The following IFT122 variants were observed in gnomAD, a reference collection of about 807,000 sequenced individuals.
IFT122 encodes intraflagellar transport protein 122 homolog.
A neutral mutation model predicts 161.6 loss-of-function variants in IFT122; 118 were observed. The observed-to-expected ratio is 0.73, with a 90% CI of 0.63 to 0.85. The LOEUF (loss-of-function observed/expected upper bound fraction) is 0.85. Ranked by LOEUF, IFT122 falls within the 40% of genes least tolerant of loss-of-function variation. The pLI, the probability that IFT122 is intolerant of heterozygous loss-of-function variation, is 0.00. For synonymous variants in IFT122, 550 were observed against 602.4 expected (o/e 0.91, Z 1.27); for missense variants, 1,381 against 1,579.6 (o/e 0.87, Z 2.13).
At chr3:129,487,483 C>T (rs1473776249) in intron 15 of IFT122, 1 of 153,908 alleles carries the variant, frequency 6.5e-6, no homozygotes, top group Admixed American at 6.4e-5. Flanking sequence ...CTTTTATAAA[C>T]CTAAGAAAGA....
rs1174611055 is a variant in IFT122, at chr3:129,476,686, C to T, written c.1032C>T (p.Thr344=). 1.9e-6 allele frequency: 3 copies of T among 1,614,220 alleles called. No homozygotes were observed. The South Asian group carries it at 3.3e-5, about 18-fold the overall frequency. ...AGGTGGTCGGCTGCCAGGACGGCAC[C>T]ATTTCCTTCTACCAGCTTATTTTCA... The part of the protein sequence containing the change: ...NYVVVGCQDG[T]ISFYQLIFST... The change falls in exon 11 of 30, where the codon ACC becomes ACT. Residue 344 remains threonine, a synonymous_variant. Coordinates refer to ENST00000348417, the MANE Select transcript of IFT122 (RefSeq NM_052989.3).
At chr3:129,516,711 CACACACACACACACAG>C (rs1387449891) in intron 26 of IFT122, among the ~76,000 whole-genome samples, 9 of 125,612 alleles carry the variant, frequency 7.2e-5, no homozygotes, top group African/African-American at 1.3e-4. Flanking sequence ...CACACACACA[CACACACACACACACAG>C]AGAGACTGCC....
intron 25 of IFT122, chr3:129,514,819 C>G (rs538321164): frequency 3.2e-5 from 18 of 567,688 alleles, no homozygotes; most frequent in South Asian, 3.1e-4. Flanking sequence ...CTTGCCCTCC[C>G]CTAGGCAAGC....
intron 24 of IFT122, chr3:129,512,894 G>A: frequency 4.3e-6 from 1 of 230,932 alleles, no homozygotes; most frequent in South Asian, 6.0e-5. Flanking sequence ...TGGTGGATGT[G>A]TGCTGTGTCT....
At chr3:129,519,234 T>C in intron 28 of IFT122, 48 bp downstream of exon 28, 2 of 1,512,850 alleles carry the variant, frequency 1.3e-6, no homozygotes, top group Non-Finnish European at 1.8e-6. Flanking sequence ...CCTCCATCCC[T>C]TCTCCTGTGC....
Position 129,499,912 on chromosome 3 carries a change from G to C in IFT122, c.2219G>C (p.Gly740Ala), listed in dbSNP as rs1486687982. ...GTTGTGCTTCCTCAGGATTTCCTTG[G>C]ATCTGGAGACCCCAAAGAAACAAAG... is the stretch of plus-strand genomic sequence containing the variant. ...CMFEYAKDFL[G>A]SGDPKETKML... The change falls in exon 19 of 30, where the codon GGA becomes GCA. Residue 740 changes from glycine (G) to alanine (A), a missense_variant. Physicochemically the swap from Gly to Ala is moderately conservative, Grantham distance 60. This residue lies in a region of IFT122 where 496 missense variants were observed against 502.5 expected (regional missense o/e 0.99). Coordinates refer to ENST00000348417, the MANE Select transcript of IFT122 (RefSeq NM_052989.3). The C allele has an allele frequency of 6.2e-6, 10 of 1,614,004 alleles. No individual in the cohort carries two copies. Among genetic ancestry groups the C allele is most frequent in the Non-Finnish European group, 8.5e-6 (10 of 1,180,014 alleles).
At chr3:129,504,214 C>A in intron 20 of IFT122, 105 bp from the exon 21 acceptor site, 1 of 954,284 alleles carries the variant, frequency 1.0e-6, no homozygotes, top group Non-Finnish European at 1.7e-6. Context: ...TCTGAGTTGT[C>A]AGGCTGGCAA....
rs760810819 is a variant in IFT122 at position 129,507,716 on chromosome 3, G to A, written c.2840G>A (p.Arg947His). 2.2e-5 allele frequency: 36 copies of A among 1,614,044 alleles called. No homozygotes were observed. The highest frequency in any genetic ancestry group is 1.2e-4 in the Admixed American group (7 of 60,006). ...TMLGKFYHFQ[R>H]LAELYHGYHA... ...CTTGGCAAGTTCTACCACTTCCAGC[G>A]TTTGGCAGAGCTGTACCATGGTTAC... is the stretch of plus-strand genomic sequence containing the variant. Residue 947 changes from arginine to histidine, a missense_variant, in exon 23 of 30, where the codon CGT (arginine) becomes CAT (histidine). Physicochemically the swap from Arg to His is conservative, Grantham distance 29. This residue lies in a region of IFT122 where 496 missense variants were observed against 502.5 expected (regional missense o/e 0.99). Coordinates refer to ENST00000348417, the MANE Select transcript of IFT122 (RefSeq NM_052989.3).
At chr3:129,445,215 A>G (rs2073842280) in intron 1 of IFT122, among the ~76,000 whole-genome samples, 1 of 152,146 alleles carries the variant, frequency 6.6e-6, no homozygotes, top group African/African-American at 2.4e-5. Context: ...CATCCCAGCT[A>G]CTCAGGAGGC....
At chr3:129,516,676 C>G (rs2083767592) in intron 26 of IFT122, among the ~76,000 whole-genome samples, 1 of 133,072 alleles carries the variant, frequency 7.5e-6, no homozygotes, top group Non-Finnish European at 1.6e-5. Context: ...TGCCCCTGCA[C>G]ACACACAGAT....
chr3:129,483,835 G>A (rs942387054), intron 15 of IFT122, 153 bp downstream of exon 15: 25 of 802,496 alleles, frequency 3.1e-5, no homozygotes, highest in African/African-American at 6.8e-5. Context: ...GGAACCTGCC[G>A]CCCTGTCTCC....
chr3:129,509,986 G>A (rs2108610685), intron 23 of IFT122, among the ~76,000 whole-genome samples: 2 of 152,340 alleles, frequency 1.3e-5, no homozygotes, highest in East Asian at 3.9e-4. Flanking sequence ...GTGACCCTAG[G>A]TGGCAGCTAT....
Position 129,498,855 on chromosome 3 carries a change from T to C in IFT122, c.2209-1047T>C, listed in dbSNP as rs546424396. Among the ~76,000 whole-genome samples the C allele has an allele frequency of 2.6e-5, 4 of 152,232 alleles. No individual in the cohort carries two copies. In the South Asian group the frequency reaches 6.2e-4, roughly 24 times the overall value. On this transcript the variant is annotated intron_variant, in intron 18 of 29. Transcript: ENST00000348417. Reference sequence around the variant, plus strand: ...GACCTGGGCTGTAAGTGCTCCCAGTTTCCCTTTTTGAAAAGCTCCACCTTT... The same window carrying C: ...GACCTGGGCTGTAAGTGCTCCCAGTCTCCCTTTTTGAAAAGCTCCACCTTT...
intron 3 of IFT122, among the ~76,000 whole-genome samples, chr3:129,454,282 T>C (rs898724739): frequency 7.2e-5 from 11 of 151,816 alleles, no homozygotes; most frequent in African/African-American, 2.7e-4. Flanking sequence ...ATCCTAAAGC[T>C]CTGGGAGCCT....
chr3:129,517,788 A>G (rs1051168556), intron 27 of IFT122, among the ~76,000 whole-genome samples, 194 bp downstream of exon 27: 10 of 152,174 alleles, frequency 6.6e-5, no homozygotes, highest in African/African-American at 2.4e-4. Flanking sequence ...GCCAGGGCCT[A>G]AGGACCCAGA....
At chr3:129,497,790 T>TG (rs955989695) in intron 18 of IFT122, among the ~76,000 whole-genome samples, 2 of 152,106 alleles carry the variant, frequency 1.3e-5, no homozygotes, top group South Asian at 2.1e-4. Flanking sequence ...ACACATTATG[T>TG]GGGGGGTGGG....
In IFT122 at chr3:129,515,473, G is replaced by C; in HGVS notation, c.3154-15G>C. 4.2e-6 allele frequency: 5 copies of C among 1,192,522 alleles called. No individual in the cohort carries two copies. Among genetic ancestry groups the C allele is most frequent in the Non-Finnish European group, 6.2e-6 (5 of 811,500 alleles). 73.9% of individuals were successfully genotyped at this position (1,192,522 alleles called of 1,614,324 possible). A position where few individuals can be genotyped will look rare whatever the true frequency, so the allele number is the denominator to read the frequency against. On this transcript the variant is annotated splice_polypyrimidine_tract_variant and intron_variant, in intron 25 of 29. Transcript: ENST00000348417. ...GCCTGCCCCGGCCCCTCGGGAGTCC[G>C]TGGCTGTTTTGTAGGAGTTGGTGCC... is the stretch of plus-strand genomic sequence containing the variant.
chr3:129,461,007 G>A (rs2076157924), intron 4 of IFT122: 7 of 1,287,342 alleles, frequency 5.4e-6, no homozygotes, highest in East Asian at 2.3e-5. Flanking sequence ...CTGGCCAAAA[G>A]TGAGTCCCCA....
intron 15 of IFT122, among the ~76,000 whole-genome samples, chr3:129,486,431 A>G (rs1337977787): frequency 6.6e-6 from 1 of 152,174 alleles, no homozygotes; most frequent in Non-Finnish European, 1.5e-5. Context: ...TCTCCTTATT[A>G]CTGACTCATA....
Sources: allele counts gnomAD v4.1 joint callset (sites outside exome capture counted in the v4.1 genomes callset), GRCh38; gene constraint gnomAD v4.1.1; regional missense constraint gnomAD v4.1.1; transcripts MANE v1.5; gene names NCBI Gene and HGNC (gene_info 2026-07-23, HGNC 2026-07-21).